The following CAMK4 variants were observed in gnomAD, a reference collection of about 807,000 sequenced individuals.
The protein encoded by CAMK4 is calcium/calmodulin dependent protein kinase IV, also known as calcium/calmodulin-dependent protein kinase type IV.
In CAMK4, 22 loss-of-function variants were observed where a neutral mutation model predicts 44.9. The ratio of observed to expected loss-of-function variants is 0.49; its 90% CI spans 0.35 to 0.70. The LOEUF (loss-of-function observed/expected upper bound fraction) is 0.70, where lower values mean the gene tolerates loss of function less well. Ranked by LOEUF, CAMK4 falls within the 30% of genes least tolerant of loss-of-function variation. The probability of loss-of-function intolerance (pLI) is 0.01; values close to 1 mark genes in which losing one functional copy is unlikely to be tolerated. For missense variants in CAMK4, 498 were observed against 586.8 expected (o/e 0.85, Z 1.56); for synonymous variants, 218 against 215.4 (o/e 1.01, Z -0.11).
intron 1 of CAMK4, among the ~76,000 whole-genome samples, chr5:111,330,571 G>A (rs895687614): frequency 4.6e-5 from 7 of 151,530 alleles, no homozygotes; most frequent in Non-Finnish European, 7.4e-5. Context: ...AGAATAACCA[G>A]AATACCCCAA....
At chr5:111,392,889 T>TG (rs2112857808) in intron 4 of CAMK4, among the ~76,000 whole-genome samples, 1 of 152,160 alleles carries the variant, frequency 6.6e-6, no homozygotes, top group Admixed American at 6.5e-5. Context: ...ACCAAAGACT[T>TG]CAAAAGCCAA....
chr5:111,471,926 G>A (rs553800368), intron 7 of CAMK4, among the ~76,000 whole-genome samples: 9 of 151,974 alleles, frequency 5.9e-5, no homozygotes, highest in East Asian at 1.9e-4. Flanking sequence ...TTGAGACAGA[G>A]TCTTGTTCTG....
chr5:111,255,650 A>G (rs1249172606), intron 1 of CAMK4, among the ~76,000 whole-genome samples: 1 of 152,188 alleles, frequency 6.6e-6, no homozygotes, highest in Non-Finnish European at 1.5e-5. Flanking sequence ...TGGAAACAGC[A>G]GCTGAATTGT....
In CAMK4 at chr5:111,355,387, A is replaced by G. The variant is rs373170988; in HGVS notation, c.240+11285A>G. On this transcript the variant is annotated intron_variant, in intron 2 of 10. Coordinates refer to ENST00000282356, the MANE Select transcript of CAMK4 (RefSeq NM_001744.6). ...TGTATGCTTTACCATTCAAGAATATACTTGAAAGTCAGAACATTCTTCCAG... is the reference window on the plus strand; with the variant it reads ...TGTATGCTTTACCATTCAAGAATATGCTTGAAAGTCAGAACATTCTTCCAG... 2.0e-5 allele frequency among the ~76,000 whole-genome samples: 3 copies of G among 152,208 alleles called. No homozygotes were observed. The East Asian group carries it at 5.8e-4, about 29-fold the overall frequency.
At chr5:111,240,362 G>T (rs888694661) in intron 1 of CAMK4, among the ~76,000 whole-genome samples, 3 of 151,186 alleles carry the variant, frequency 2.0e-5, no homozygotes, top group African/African-American at 7.3e-5. Flanking sequence ...CTATTAGTTT[G>T]TGCACGCTGA....
Position 111,397,692 on chromosome 5 carries a change from T to C in CAMK4, c.459+2910T>C, listed in dbSNP as rs983122509. On this transcript the variant is annotated intron_variant, in intron 5 of 10. Coordinates refer to ENST00000282356, the MANE Select transcript of CAMK4 (RefSeq NM_001744.6). ...GTGTGTGTGTGTGTGTGTGTGTGTG[T>C]TTGCAGTTTACCCACCTGGATTCAT... Among the ~76,000 whole-genome samples the C allele has an allele frequency of 3.0e-3, 228 of 75,808 alleles. 4 individuals carry two copies. Among genetic ancestry groups the C allele is most frequent in the Non-Finnish European group, 8.2e-4 (30 of 36,548 alleles). 49.7% of individuals were successfully genotyped at this position (75,808 alleles called of 152,430 possible). A position where few individuals can be genotyped will look rare whatever the true frequency, so the allele number is the denominator to read the frequency against.
At chr5:111,301,936 C>T (rs1747737491) in intron 1 of CAMK4, among the ~76,000 whole-genome samples, 1 of 152,174 alleles carries the variant, frequency 6.6e-6, no homozygotes, top group South Asian at 2.1e-4. Flanking sequence ...AGAGACATCT[C>T]TTTGCTCAGT....
chr5:111,456,921 G>A (rs1754437627), intron 7 of CAMK4, among the ~76,000 whole-genome samples: 1 of 152,192 alleles, frequency 6.6e-6, no homozygotes, highest in Non-Finnish European at 1.5e-5. Context: ...GGAAGACAAA[G>A]TCTCCTCAGT....
chr5:111,254,265 C>G (rs1055378059), intron 1 of CAMK4, among the ~76,000 whole-genome samples: 3 of 152,194 alleles, frequency 2.0e-5, no homozygotes, highest in African/African-American at 7.2e-5. Flanking sequence ...CAGAAACTGA[C>G]AGGAAATGAA....
At chr5:111,419,929 T>C (rs1752962055) in intron 5 of CAMK4, among the ~76,000 whole-genome samples, 1 of 152,208 alleles carries the variant, frequency 6.6e-6, no homozygotes, top group African/African-American at 2.4e-5. Flanking sequence ...CGATGTGGGC[T>C]CTTTTTTGGT....
intron 1 of CAMK4, among the ~76,000 whole-genome samples, chr5:111,250,478 A>AC (rs1256798213): frequency 6.6e-6 from 1 of 152,116 alleles, no homozygotes. Flanking sequence ...GTATTTTGCT[A>AC]CCCATTTTCA....
At chr5:111,476,250 T>G (rs1755232894) in intron 8 of CAMK4, among the ~76,000 whole-genome samples, 1 of 144,602 alleles carries the variant, frequency 6.9e-6, no homozygotes, top group Non-Finnish European at 1.5e-5. Flanking sequence ...TGTGTGTGTG[T>G]GTGTGTGTGT....
In CAMK4 at chr5:111,290,848, G is replaced by A. The variant is rs927645321; in HGVS notation, c.162-53176G>A. Among the ~76,000 whole-genome samples, 2 of 152,212 alleles carry A rather than the reference G, an allele frequency of 1.3e-5. No individual in the cohort carries two copies. The highest frequency in any genetic ancestry group is 2.4e-5 in the African/African-American group (1 of 41,446). The stretch of plus-strand genomic sequence containing the variant: ...ACGTCTCTTGGAGGTTTATTTAAAA[G>A]TGAATATGTAAAACGTATGGAACCA... On this transcript the variant is annotated intron_variant, in intron 1 of 10. Coordinates refer to ENST00000282356, the MANE Select transcript of CAMK4 (RefSeq NM_001744.6). This position sits in a 1 kb window ranked among gnomAD's most constrained non-coding sequence, Gnocchi z 4.5.
At chr5:111,405,754 C>A (rs938940512) in intron 5 of CAMK4, among the ~76,000 whole-genome samples, 1 of 152,092 alleles carries the variant, frequency 6.6e-6, no homozygotes, top group Non-Finnish European at 1.5e-5. Context: ...TGCTATAAGA[C>A]CATCACCCTG....
intron 7 of CAMK4, among the ~76,000 whole-genome samples, chr5:111,469,787 C>T (rs1754999143): frequency 6.6e-6 from 1 of 152,176 alleles, no homozygotes; most frequent in African/African-American, 2.4e-5. Context: ...GTCCTCTCTT[C>T]TTGTTGAATG....
At chr5:111,243,267 A>G (rs1417964502) in intron 1 of CAMK4, among the ~76,000 whole-genome samples, 1 of 152,170 alleles carries the variant, frequency 6.6e-6, no homozygotes, top group East Asian at 1.9e-4. Flanking sequence ...AAGAGGAAAC[A>G]TCGGTGATAT....
intron 7 of CAMK4, among the ~76,000 whole-genome samples, chr5:111,462,026 A>C (rs1025832082): frequency 3.9e-5 from 6 of 152,160 alleles, no homozygotes; most frequent in Admixed American, 6.5e-5. Flanking sequence ...CCTCACAGGC[A>C]CTGCTCATCC....
chr5:111,289,232 G>C (rs1434597493), intron 1 of CAMK4, among the ~76,000 whole-genome samples: 1 of 152,202 alleles, frequency 6.6e-6, no homozygotes, highest in South Asian at 2.1e-4. Context: ...TGTAATCCCA[G>C]CTATTCGGGA....
chr5:111,233,063 T>G, intron 1 of CAMK4, among the ~76,000 whole-genome samples: 1 of 152,216 alleles, frequency 6.6e-6, no homozygotes. Flanking sequence ...AATAGTATTC[T>G]TCTTTTGATT....
Sources: allele counts gnomAD v4.1 joint callset (sites outside exome capture counted in the v4.1 genomes callset), GRCh38; gene constraint gnomAD v4.1.1; non-coding constraint Gnocchi (gnomAD v3.1); transcripts MANE v1.5; gene names NCBI Gene and HGNC (gene_info 2026-07-23, HGNC 2026-07-21).